Variants in PCDHGA3 observed in about 807,000 individuals in gnomAD.
PCDHGA3 encodes protocadherin gamma-A3.
In PCDHGA3, 40 loss-of-function variants were observed where a neutral mutation model predicts 58.5. The ratio of observed to expected loss-of-function variants is 0.68; its 90% CI spans 0.53 to 0.89. The LOEUF (loss-of-function observed/expected upper bound fraction) is 0.89. Among genes scored for constraint, PCDHGA3 ranks in the 40% least tolerant of loss-of-function variants. PCDHGA3 has a pLI of 0.00. For missense variants in PCDHGA3, 1,223 were observed against 1,195.9 expected (o/e 1.02, Z -0.33); for synonymous variants, 530 against 525.7 (o/e 1.01, Z -0.11).
At chr5:141,394,962 A>C (rs971000405) in intron 1 of PCDHGA3, 1 of 1,613,828 alleles carries the variant, frequency 6.2e-7, no homozygotes, top group Non-Finnish European at 8.5e-7. Context: ...GCTCAGGCTG[A>C]GGCGCTGGCA....
chr5:141,348,553 T>C lies in PCDHGA3; in HGVS notation c.2424+2096T>C, dbSNP rs138665460. Among the ~76,000 whole-genome samples the C allele has an allele frequency of 3.3e-5, 5 of 152,352 alleles. No individual in the cohort carries two copies. The East Asian group carries it at 9.6e-4, about 29-fold the overall frequency. On this transcript the variant is annotated intron_variant, in intron 1 of 3. Transcript: ENST00000253812. ...TCAAAGATAATTTCTAAGAATTCTA[T>C]ATGAAACATAGCCTACATATGTGTC...
intron 1 of PCDHGA3, chr5:141,372,365 C>G: frequency 6.2e-7 from 1 of 1,613,966 alleles, no homozygotes; most frequent in South Asian, 1.1e-5. Flanking sequence ...TTTCAGCCAC[C>G]GTCATGCTGC....
intron 1 of PCDHGA3, among the ~76,000 whole-genome samples, chr5:141,449,921 C>T (rs2098659300): frequency 6.6e-6 from 1 of 151,648 alleles, no homozygotes; most frequent in African/African-American, 2.4e-5. Flanking sequence ...TTAAATTCTA[C>T]CATACCTTAT....
chr5:141,372,268 A>T (rs374647960), intron 1 of PCDHGA3: 26 of 1,613,010 alleles, frequency 1.6e-5, no homozygotes, highest in Non-Finnish European at 1.9e-5. Flanking sequence ...CGCACGGGTG[A>T]GGTGCGCACG....
At chr5:141,359,586 A>G (rs1252102791) in intron 1 of PCDHGA3, among the ~76,000 whole-genome samples, 1 of 151,834 alleles carries the variant, frequency 6.6e-6, no homozygotes, top group Non-Finnish European at 1.5e-5. Context: ...AAGATATAAC[A>G]ACTAAAAAAG....
At chr5:141,353,697 A>G (rs909535781) in intron 1 of PCDHGA3, among the ~76,000 whole-genome samples, 1 of 152,192 alleles carries the variant, frequency 6.6e-6, no homozygotes, top group South Asian at 2.1e-4. Flanking sequence ...CGTTTTCCAT[A>G]CTTCTTGTTT....
At chr5:141,413,215 T>C in intron 1 of PCDHGA3, 1 of 1,613,350 alleles carries the variant, frequency 6.2e-7, no homozygotes, top group Non-Finnish European at 8.5e-7. Context: ...ATCAAAGGAT[T>C]GCAGCGGGCT....
At chr5:141,502,234 C>T (rs1482411915) in intron 2 of PCDHGA3, among the ~76,000 whole-genome samples, 1 of 152,108 alleles carries the variant, frequency 6.6e-6, no homozygotes, top group Non-Finnish European at 1.5e-5. Flanking sequence ...TCTGTGTGTT[C>T]TTTTATCCTT....
intron 1 of PCDHGA3, chr5:141,478,109 T>G: frequency 1.2e-6 from 2 of 1,614,086 alleles, no homozygotes; most frequent in Non-Finnish European, 8.5e-7. Flanking sequence ...CCTCACTGTG[T>G]CAGTAACCGA....
At chr5:141,383,621 T>A in intron 1 of PCDHGA3, 1 of 1,613,880 alleles carries the variant, frequency 6.2e-7, no homozygotes, top group East Asian at 2.2e-5. Flanking sequence ...CACACGCCTG[T>A]CTTCTCTCTG....
intron 1 of PCDHGA3, among the ~76,000 whole-genome samples, chr5:141,347,255 G>A (rs1757941277): frequency 1.3e-5 from 2 of 151,576 alleles, no homozygotes; most frequent in African/African-American, 4.9e-5. Context: ...GCAGACTCAA[G>A]TGATCCTCCC....
At chr5:141,375,517 C>T (rs1399312320) in intron 1 of PCDHGA3, 3 of 1,614,038 alleles carry the variant, frequency 1.9e-6, no homozygotes, top group Non-Finnish European at 1.7e-6. Flanking sequence ...ATGCACTGGA[C>T]CCTGACGTGG....
chr5:141,435,882 C>G (rs780080571), intron 1 of PCDHGA3, among the ~76,000 whole-genome samples: 1 of 152,060 alleles, frequency 6.6e-6, no homozygotes, highest in African/African-American at 2.4e-5. Context: ...AGATTGGAAA[C>G]CCCTTAGAGA....
At chr5:141,357,481 G>A (rs1760624394) in intron 1 of PCDHGA3, 15 of 1,614,106 alleles carry the variant, frequency 9.3e-6, no homozygotes, top group Non-Finnish European at 1.3e-5. Context: ...CTCCCTCACC[G>A]CGGACTCGCG....
In PCDHGA3 at chr5:141,346,386, T is replaced by A. The variant is rs1354001719; in HGVS notation, c.2353T>A (p.Cys785Ser). The A allele has an allele frequency of 1.9e-6, 3 of 1,614,234 alleles. No individual in the cohort carries two copies. In the Admixed American group the frequency reaches 5.0e-5, roughly 27 times the overall value. The change falls in exon 1 of 4, where the codon TGT becomes AGT. Residue 785 changes from cysteine (C) to serine (S), a missense_variant. By Grantham distance (112) the Cys-to-Ser change is moderately radical. Transcript: ENST00000253812. The stretch of plus-strand genomic sequence containing the variant: ...GGACACGCTCATCAGCCAGGAGAGC[T>A]GTGAGAAAAGCGAGCCTCTTCTGAT... ...YADTLISQES[C>S]EKSEPLLITQ...
chr5:141,410,189 G>T, intron 1 of PCDHGA3: 1 of 1,613,992 alleles, frequency 6.2e-7, no homozygotes, highest in Non-Finnish European at 8.5e-7. Flanking sequence ...GCTTCATCTG[G>T]TCTTCGCAGA....
intron 1 of PCDHGA3, chr5:141,356,928 G>C (rs1760394420): frequency 1.2e-6 from 2 of 1,614,088 alleles, no homozygotes; most frequent in East Asian, 4.5e-5. Flanking sequence ...CTGGTGTGGA[G>C]CTGGCACCCC....
intron 1 of PCDHGA3, chr5:141,356,697 A>C (rs1760310334): frequency 6.2e-7 from 1 of 1,613,888 alleles, no homozygotes; most frequent in Non-Finnish European, 8.5e-7. Context: ...TCCAGGGTGC[A>C]CCTCTGTCCT....
chr5:141,355,133 ATCCTG>A, intron 1 of PCDHGA3: 1 of 1,521,784 alleles, frequency 6.6e-7, no homozygotes, highest in East Asian at 2.3e-5. Context: ...GACCCAGAAG[ATCCTG>A]GGGCTCCTCA....
Sources: gnomAD v4.1 joint callset for allele counts (sites outside exome capture counted in the v4.1 genomes callset) on GRCh38, gnomAD v4.1.1 for gene constraint, MANE v1.5 for transcripts, NCBI Gene and HGNC (gene_info 2026-07-23, HGNC 2026-07-21) for gene names.